Variants in CDK8 observed in about 807,000 individuals in gnomAD.
The protein encoded by CDK8 is cyclin dependent kinase 8, also known as cyclin-dependent kinase 8.
Under a neutral mutation model 71.5 loss-of-function variants are expected in CDK8, and 29 were observed. That is an observed-to-expected ratio of 0.41 (90% confidence interval 0.30 to 0.55). The LOEUF (loss-of-function observed/expected upper bound fraction) is 0.55. Among genes scored for constraint, CDK8 ranks in the 20% least tolerant of loss-of-function variants. The pLI, the probability that CDK8 is intolerant of heterozygous loss-of-function variation, is 0.37. For synonymous variants in CDK8, 161 were observed against 192.1 expected, an observed-to-expected ratio of 0.84 and a Z score of 1.34; for missense variants, 288 against 572.6, an observed-to-expected ratio of 0.50 and a Z score of 5.07.
chr13:26,403,556 ATG>A (rs1222958895), intron 12 of CDK8, among the ~76,000 whole-genome samples: 2 of 152,152 alleles, frequency 1.3e-5, no homozygotes, highest in Non-Finnish European at 2.9e-5. Flanking sequence ...CTCTTCAGTC[ATG>A]TGTGTGGGGG....
chr13:26,283,181 A>G (rs1872838532), intron 1 of CDK8, among the ~76,000 whole-genome samples: 2 of 152,244 alleles, frequency 1.3e-5, no homozygotes, highest in Admixed American at 6.5e-5. Flanking sequence ...CTTAAACTAT[A>G]CCATAGAACA....
At chr13:26,354,654 G>T (rs2138000822) in intron 4 of CDK8, among the ~76,000 whole-genome samples, 1 of 152,174 alleles carries the variant, frequency 6.6e-6, no homozygotes, top group South Asian at 2.1e-4. Context: ...CACATGCGGG[G>T]GATCTAGATT....
intron 4 of CDK8, among the ~76,000 whole-genome samples, chr13:26,356,684 T>C (rs947682645): frequency 6.6e-6 from 1 of 152,226 alleles, no homozygotes; most frequent in Non-Finnish European, 1.5e-5. Context: ...GTTTGAACAA[T>C]AGCTACATAT....
intron 7 of CDK8, among the ~76,000 whole-genome samples, chr13:26,395,657 C>T (rs1230596566): frequency 6.6e-6 from 1 of 152,130 alleles, no homozygotes; most frequent in Non-Finnish European, 1.5e-5. Flanking sequence ...ACGTTTTGTA[C>T]TTAACGTATT....
chr13:26,384,244 G>A lies in CDK8; in HGVS notation c.515-967G>A, dbSNP rs555070246. 2.2e-4 allele frequency among the ~76,000 whole-genome samples: 31 copies of A among 138,240 alleles called. No individual in the cohort carries two copies. The East Asian group carries it at 6.2e-3, about 28-fold the overall frequency. 90.7% of individuals were successfully genotyped at this position (138,240 alleles called of 152,430 possible). ...TAGTTTTAATTATTTGCCAACTTTTGGGTTTTTTTTTTTACCTTTGTAATT... is the reference window on the plus strand; with the variant it reads ...TAGTTTTAATTATTTGCCAACTTTTAGGTTTTTTTTTTTACCTTTGTAATT... On this transcript the variant is annotated intron_variant, in intron 5 of 12. Transcript: ENST00000381527.
chr13:26,389,137 ATC>A (rs1431271765), intron 6 of CDK8, among the ~76,000 whole-genome samples: 1 of 152,098 alleles, frequency 6.6e-6, no homozygotes. Flanking sequence ...CGTCTCTTTG[ATC>A]TCTCTAAATT....
At chr13:26,323,916 C>T (rs1874906622) in intron 1 of CDK8, among the ~76,000 whole-genome samples, 1 of 152,068 alleles carries the variant, frequency 6.6e-6, no homozygotes, top group South Asian at 2.1e-4. Context: ...TCAGCAGAGG[C>T]ATTGGCTGTC....
intron 12 of CDK8, among the ~76,000 whole-genome samples, chr13:26,403,353 A>T (rs565986913): frequency 2.6e-4 from 40 of 152,264 alleles, no homozygotes; most frequent in Admixed American, 6.5e-4. Flanking sequence ...TTCAAAAAAA[A>T]TTTTTAAAAA....
At chr13:26,399,037 GT>G (rs1378758917) in intron 9 of CDK8, among the ~76,000 whole-genome samples, 2 of 151,214 alleles carry the variant, frequency 1.3e-5, no homozygotes, top group Non-Finnish European at 2.9e-5. Flanking sequence ...TGGAGACACA[GT>G]TTCATTGTGT....
At chr13:26,399,235 C>T (rs1257091083) in intron 9 of CDK8, among the ~76,000 whole-genome samples, 1 of 152,102 alleles carries the variant, frequency 6.6e-6, no homozygotes, top group African/African-American at 2.4e-5. Context: ...GTCTCGAACT[C>T]CTGACCTCAG....
At chr13:26,304,617 T>A (rs1006310891) in intron 1 of CDK8, among the ~76,000 whole-genome samples, 1 of 152,004 alleles carries the variant, frequency 6.6e-6, no homozygotes, top group Non-Finnish European at 1.5e-5. Flanking sequence ...TGACTTGATA[T>A]GACAATTATG....
At chr13:26,261,841 A>T (rs1313159168) in intron 1 of CDK8, among the ~76,000 whole-genome samples, 1 of 152,236 alleles carries the variant, frequency 6.6e-6, no homozygotes, top group Non-Finnish European at 1.5e-5. Flanking sequence ...TCATATCCAA[A>T]GCAGCTGAGA....
intron 1 of CDK8, among the ~76,000 whole-genome samples, chr13:26,274,495 G>A (rs1173320240): frequency 1.3e-5 from 2 of 150,452 alleles, no homozygotes; most frequent in Non-Finnish European, 3.0e-5. Flanking sequence ...GCAGTGGCAC[G>A]ACCTCCACTC....
At chr13:26,327,259 A>C (rs554293254) in intron 1 of CDK8, among the ~76,000 whole-genome samples, 1 of 152,350 alleles carries the variant, frequency 6.6e-6, no homozygotes, top group African/African-American at 2.4e-5. Context: ...TTTATCAATA[A>C]GAATTTTTAT....
At chr13:26,390,822 T>G (rs1875709962) in intron 6 of CDK8, among the ~76,000 whole-genome samples, 1 of 152,220 alleles carries the variant, frequency 6.6e-6, no homozygotes, top group African/African-American at 2.4e-5. Flanking sequence ...AAATTTGGTC[T>G]GTATAGCATG....
chr13:26,310,735 T>C (rs1874245299), intron 1 of CDK8, among the ~76,000 whole-genome samples: 1 of 152,194 alleles, frequency 6.6e-6, no homozygotes, highest in Non-Finnish European at 1.5e-5. Context: ...TAACAGGCCA[T>C]GGACCCTTAT....
At chr13:26,335,884 A>T (rs1010937105) in intron 1 of CDK8, among the ~76,000 whole-genome samples, 2 of 151,648 alleles carry the variant, frequency 1.3e-5, no homozygotes, top group East Asian at 1.9e-4. Context: ...CCAAAGATAC[A>T]TTTTCCAGAT....
intron 1 of CDK8, among the ~76,000 whole-genome samples, chr13:26,332,628 TGA>T (rs1204298675): frequency 6.6e-6 from 1 of 152,168 alleles, no homozygotes; most frequent in Non-Finnish European, 1.5e-5. Flanking sequence ...ATAAGAGTGG[TGA>T]AAGTGAGCAT....
At chr13:26,373,129 C>T (rs1874769391) in intron 4 of CDK8, among the ~76,000 whole-genome samples, 1 of 152,218 alleles carries the variant, frequency 6.6e-6, no homozygotes, top group Non-Finnish European at 1.5e-5. Context: ...TCCTTCTCAT[C>T]CTTCAATCCT....
Sources: allele counts gnomAD v4.1 joint callset (sites outside exome capture counted in the v4.1 genomes callset), GRCh38; gene constraint gnomAD v4.1.1; transcripts MANE v1.5; gene names NCBI Gene and HGNC (gene_info 2026-07-23, HGNC 2026-07-21).